The following SCTR variants were observed in gnomAD, a reference collection of about 807,000 sequenced individuals.
The protein encoded by SCTR is secretin receptor, also known as pancreatic secretin receptor.
SCTR carries 56 observed loss-of-function variants against 60.8 expected under a neutral mutation model. The ratio of observed to expected loss-of-function variants is 0.92; its 90% CI spans 0.74 to 1.15. The LOEUF (loss-of-function observed/expected upper bound fraction) is 1.15, where lower values mean the gene tolerates loss of function less well. SCTR is among the 50% of genes most tolerant of loss of function. The pLI is 0.00. For missense variants in SCTR, 562 were observed against 550.4 expected (o/e 1.02, Z -0.21); for synonymous variants, 202 against 217.0 (o/e 0.93, Z 0.61).
intron 5 of SCTR, among the ~76,000 whole-genome samples, chr2:119,464,914 A>G (rs920809154): frequency 6.6e-6 from 1 of 152,188 alleles, no homozygotes; most frequent in Non-Finnish European, 1.5e-5. Flanking sequence ...TCTGCCACTT[A>G]GCAGCTATAT....
At chr2:119,465,443 T>A (rs572698006) in intron 5 of SCTR, among the ~76,000 whole-genome samples, 1 of 152,308 alleles carries the variant, frequency 6.6e-6, no homozygotes, top group Admixed American at 6.5e-5. Flanking sequence ...GCCTTTGTTT[T>A]TCTTATGCTG....
At chr2:119,495,645 G>A (rs1056083709) in intron 1 of SCTR, 2 of 152,268 alleles carry the variant, frequency 1.3e-5, no homozygotes, top group Non-Finnish European at 1.5e-5. Context: ...GCAAGTAGAA[G>A]TCATCTTCTG....
intron 2 of SCTR, among the ~76,000 whole-genome samples, chr2:119,491,808 G>T (rs1442462939): frequency 6.6e-6 from 1 of 152,182 alleles, no homozygotes; most frequent in Non-Finnish European, 1.5e-5. Flanking sequence ...GCTGTGCCCG[G>T]CAATCAATTT....
At chr2:119,493,676 T>C (rs567159286) in intron 2 of SCTR, among the ~76,000 whole-genome samples, 1 of 148,190 alleles carries the variant, frequency 6.7e-6, no homozygotes, top group Non-Finnish European at 1.5e-5. Flanking sequence ...AGTTTCACTC[T>C]TGTTGCCCAG....
At position 119,444,463 on chromosome 2, in the gene SCTR, A is replaced by G. The variant is rs1179068437; in HGVS notation, c.1140+2296T>C. Among the ~76,000 whole-genome samples the G allele has an allele frequency of 2.5e-5, 3 of 119,712 alleles. No homozygotes were observed. The East Asian group carries it at 7.0e-4, about 28-fold the overall frequency. The allele number at this position is 119,712 out of a possible 152,430, so 78.5% of individuals were successfully genotyped here. On this transcript the variant is annotated intron_variant, in intron 11 of 12. Coordinates refer to ENST00000019103, the MANE Select transcript of SCTR (RefSeq NM_002980.3). ...CATATATATACGTACGTATATATAT[A>G]CACATATATACGTACGTATATATAT... is the stretch of plus-strand genomic sequence containing the variant.
chr2:119,511,814 AT>A (rs1678955892), intron 1 of SCTR, among the ~76,000 whole-genome samples: 1 of 152,212 alleles, frequency 6.6e-6, no homozygotes, highest in Non-Finnish European at 1.5e-5. Flanking sequence ...AAATTTTTGA[AT>A]CTTTGCAGAA....
At chr2:119,444,530 C>T (rs200384150) in intron 11 of SCTR, among the ~76,000 whole-genome samples, 3,699 of 6,504 alleles carry the variant, frequency 0.57, 1,467 homozygotes, top group African/African-American at 0.67. Context: ...TATATACGTA[C>T]GAATATATAT....
At chr2:119,506,994 T>C (rs1405780992) in intron 1 of SCTR, among the ~76,000 whole-genome samples, 1 of 152,218 alleles carries the variant, frequency 6.6e-6, no homozygotes, top group Non-Finnish European at 1.5e-5. Flanking sequence ...TTGCAAGATG[T>C]TACCATTGGG....
At chr2:119,502,844 A>T (rs1330582706) in intron 1 of SCTR, among the ~76,000 whole-genome samples, 1 of 151,562 alleles carries the variant, frequency 6.6e-6, no homozygotes, top group Non-Finnish European at 1.5e-5. Context: ...AAAAGAAAGA[A>T]AGAAAAGAAA....
intron 8 of SCTR, among the ~76,000 whole-genome samples, 199 bp from the exon 9 acceptor site, chr2:119,452,278 C>T (rs1319458624): frequency 2.0e-5 from 3 of 152,184 alleles, no homozygotes; most frequent in African/African-American, 7.2e-5. Flanking sequence ...AGGGAGTGGC[C>T]ACCTGTCTCC....
chr2:119,474,135 C>T (rs1043568683), intron 3 of SCTR, among the ~76,000 whole-genome samples: 32 of 152,290 alleles, frequency 2.1e-4, no homozygotes, highest in East Asian at 5.8e-4. Flanking sequence ...CACAGTCCTC[C>T]GGCTCAGCTG....
intron 1 of SCTR, among the ~76,000 whole-genome samples, chr2:119,507,553 T>G (rs1314355855): frequency 6.6e-6 from 1 of 151,984 alleles, no homozygotes; most frequent in East Asian, 1.9e-4. Context: ...AGTTATTAGT[T>G]TAAAGAAAGA....
chr2:119,451,933 A>T, intron 9 of SCTR, 77 bp downstream of exon 9: 1 of 901,818 alleles, frequency 1.1e-6, no homozygotes, highest in Non-Finnish European at 1.8e-6. Context: ...CTGTCCTTCC[A>T]CCCTCTGCCC....
intron 11 of SCTR, among the ~76,000 whole-genome samples, chr2:119,445,502 C>T (rs1682892374): frequency 6.6e-6 from 1 of 152,180 alleles, no homozygotes; most frequent in South Asian, 2.1e-4. Flanking sequence ...CCCAGTGAGG[C>T]ATCCTCCCTA....
chr2:119,473,406 A>G (rs1040123784), intron 4 of SCTR, 47 bp downstream of exon 4: 10 of 1,353,616 alleles, frequency 7.4e-6, no homozygotes, highest in Middle Eastern at 3.6e-4. Context: ...TCCTCACCCT[A>G]TAGGTTCCTG....
intron 2 of SCTR, among the ~76,000 whole-genome samples, chr2:119,480,986 C>T (rs549231379): frequency 7.2e-5 from 11 of 152,326 alleles, no homozygotes; most frequent in South Asian, 4.1e-4. Flanking sequence ...GTGGGAGGAC[C>T]GGCACCTCCC....
chr2:119,489,918 CG>C (rs2104888006), intron 2 of SCTR, among the ~76,000 whole-genome samples: 1 of 152,292 alleles, frequency 6.6e-6, no homozygotes, highest in East Asian at 1.9e-4. Context: ...TCCGTGTAAA[CG>C]AAAGTTCACC....
At chr2:119,488,720 T>G (rs772189021) in intron 2 of SCTR, among the ~76,000 whole-genome samples, 11 of 152,212 alleles carry the variant, frequency 7.2e-5, no homozygotes, top group Non-Finnish European at 1.5e-4. Context: ...TCAGCTTGGC[T>G]GCACCGAAGG....
At chr2:119,506,757 C>G (rs1018217289) in intron 1 of SCTR, among the ~76,000 whole-genome samples, 3 of 152,028 alleles carry the variant, frequency 2.0e-5, no homozygotes, top group African/African-American at 7.2e-5. Context: ...ATTACAGACA[C>G]GAGCCACCAT....
Sources: gnomAD v4.1 joint callset for allele counts (sites outside exome capture counted in the v4.1 genomes callset) on GRCh38, gnomAD v4.1.1 for gene constraint, MANE v1.5 for transcripts, NCBI Gene and HGNC (gene_info 2026-07-23, HGNC 2026-07-21) for gene names.